Variants in STK33 observed in about 807,000 individuals in gnomAD.
STK33 encodes the protein serine/threonine kinase 33, also known as serine/threonine-protein kinase 33.
STK33 carries 52 observed loss-of-function variants against 58.0 expected under a neutral mutation model. The observed-to-expected ratio is 0.90, with a 90% CI of 0.72 to 1.13. The LOEUF (loss-of-function observed/expected upper bound fraction) is 1.13, where lower values mean the gene tolerates loss of function less well. Ranked by LOEUF, STK33 falls within the 50% of genes most tolerant of loss-of-function variation. The pLI, the probability that STK33 is intolerant of heterozygous loss-of-function variation, is 0.00. For missense variants in STK33, 630 were observed against 604.2 expected (o/e 1.04, Z -0.45); for synonymous variants, 215 against 200.1 (o/e 1.07, Z -0.63).
Position 8,531,888 on chromosome 11 carries a change from T to C in STK33, c.-465-51274A>G, listed in dbSNP as rs142617015. Reference sequence around the variant, plus strand: ...ATGAAGCCTAGAGGAAATAATTTTCTAGCAAAATGTAAATTCCCAATTATG... The same window carrying C: ...ATGAAGCCTAGAGGAAATAATTTTCCAGCAAAATGTAAATTCCCAATTATG... On this transcript the variant is annotated intron_variant, in intron 1 of 15. Transcript: ENST00000687296. 3.9e-3 allele frequency among the ~76,000 whole-genome samples: 598 copies of C among 152,330 alleles called. 2 individuals carry two copies. Among genetic ancestry groups the C allele is most frequent in the African/African-American group, 0.013 (554 of 41,568 alleles).
At chr11:8,365,125 G>C in the STK33 span, among the ~76,000 whole-genome samples, 1 of 152,164 alleles carries the variant, frequency 6.6e-6, no homozygotes, top group African/African-American at 2.4e-5. Context: ...TAGACCCAGG[G>C]GGACGTGTCT....
At chr11:8,522,108 C>T (rs1313746453) in intron 1 of STK33, among the ~76,000 whole-genome samples, 2 of 152,202 alleles carry the variant, frequency 1.3e-5, no homozygotes, top group African/African-American at 2.4e-5. Context: ...CCATTTGACC[C>T]AGCCATCTCA....
chr11:8,553,174 A>ATATATATATATATATATATATGGTG (rs1565346811), intron 1 of STK33, among the ~76,000 whole-genome samples: 703 of 67,610 alleles, frequency 0.01, 7 homozygotes, highest in African/African-American at 0.022. Context: ...TAAAATATAT[A>ATATATATATATATATATATATGGTG]TATATATATA....
intron 1 of STK33, among the ~76,000 whole-genome samples, chr11:8,549,918 C>A (rs996422052): frequency 6.6e-6 from 1 of 152,058 alleles, no homozygotes; most frequent in East Asian, 1.9e-4. Flanking sequence ...AAAAAACCAA[C>A]TTTTAAATTC....
chr11:8,562,692 T>C (rs1957195806), intron 1 of STK33, among the ~76,000 whole-genome samples: 1 of 152,194 alleles, frequency 6.6e-6, no homozygotes, highest in Admixed American at 6.5e-5. Flanking sequence ...AGTATGGCTT[T>C]ACTTTTCTGA....
intron 15 of STK33, among the ~76,000 whole-genome samples, chr11:8,400,004 G>C (rs552056418): frequency 6.6e-6 from 1 of 152,072 alleles, no homozygotes; most frequent in Non-Finnish European, 1.5e-5. Context: ...AAAAGTCCAG[G>C]ACCAGATGGA....
chr11:8,577,620 TACTC>T (rs1018980658), intron 1 of STK33, among the ~76,000 whole-genome samples: 18 of 152,118 alleles, frequency 1.2e-4, no homozygotes, highest in Non-Finnish European at 2.1e-4. Context: ...AGTAATTACT[TACTC>T]AGTAACAGGA....
chr11:8,447,850 CCT>C (rs1287616714), intron 11 of STK33, among the ~76,000 whole-genome samples: 4 of 152,058 alleles, frequency 2.6e-5, no homozygotes, highest in Non-Finnish European at 5.9e-5. Flanking sequence ...TCAAATTGTC[CCT>C]GTTTGCAGAT....
intron 7 of STK33, 90 bp downstream of exon 7, chr11:8,464,619 G>A (rs933423596): frequency 4.4e-5 from 37 of 839,596 alleles, no homozygotes; most frequent in Non-Finnish European, 7.0e-5. Flanking sequence ...AGGGTGAGAG[G>A]CAGCTTGTGT....
intron 15 of STK33, among the ~76,000 whole-genome samples, chr11:8,401,735 A>C (rs1938016365): frequency 6.6e-6 from 1 of 152,238 alleles, no homozygotes; most frequent in African/African-American, 2.4e-5. Context: ...ACAAAGGGCT[A>C]ATATCCAGAA....
rs2137287994 is a variant in STK33 at position 8,461,810 on chromosome 11, G to A, written c.553C>T (p.Pro185Ser). 6.3e-7 allele frequency: 1 copy of A among 1,580,068 alleles called. No individual in the cohort carries two copies. The part of the protein sequence containing the change: ...IIHLEQVFET[P>S]KKMYLVMELC... Reference sequence around the variant, plus strand: ...AGCGCCTAATAGAGGTTTACCTTTGGCGTTTCAAATACTTGTTCCAGATGT... The same window carrying A: ...AGCGCCTAATAGAGGTTTACCTTTGACGTTTCAAATACTTGTTCCAGATGT... The change falls in exon 8 of 16, where the codon CCA (proline) becomes TCA (serine). Residue 185 changes from proline (P) to serine (S), a missense_variant. Transcript: ENST00000687296.
At chr11:8,540,251 T>C (rs1591698646) in intron 1 of STK33, among the ~76,000 whole-genome samples, 2 of 151,004 alleles carry the variant, frequency 1.3e-5, no homozygotes, top group African/African-American at 4.9e-5. Flanking sequence ...GAAGCCAAGG[T>C]GGGAGGATCG....
chr11:8,384,735 C>T, the STK33 span, among the ~76,000 whole-genome samples: 2 of 152,242 alleles, frequency 1.3e-5, no homozygotes, highest in Non-Finnish European at 2.9e-5. Context: ...AAACACGTGA[C>T]TTGCTTGACC....
chr11:8,577,124 T>C (rs1958244046), intron 1 of STK33, among the ~76,000 whole-genome samples: 2 of 152,284 alleles, frequency 1.3e-5, no homozygotes, highest in South Asian at 2.1e-4. Flanking sequence ...TAGCAGAGGG[T>C]ACTATGGTAT....
intron 8 of STK33, 123 bp from the exon 9 acceptor site, chr11:8,457,602 T>A: frequency 1.1e-6 from 1 of 874,652 alleles, no homozygotes; most frequent in Non-Finnish European, 1.7e-6. Context: ...AAGTATTATC[T>A]ATTATGTACA....
chr11:8,401,457 T>C (rs1247341394), intron 15 of STK33, among the ~76,000 whole-genome samples: 1 of 152,078 alleles, frequency 6.6e-6, no homozygotes, highest in Non-Finnish European at 1.5e-5. Flanking sequence ...ACACCTCATA[T>C]AAAAATTAAT....
At chr11:8,482,167 T>C (rs1332482748) in intron 1 of STK33, among the ~76,000 whole-genome samples, 1 of 152,164 alleles carries the variant, frequency 6.6e-6, no homozygotes, top group Admixed American at 6.5e-5. Context: ...CCCAGACTCG[T>C]AGCCAGAACA....
At chr11:8,532,826 T>C (rs1239534617) in intron 1 of STK33, among the ~76,000 whole-genome samples, 1 of 152,212 alleles carries the variant, frequency 6.6e-6, no homozygotes, top group Non-Finnish European at 1.5e-5. Context: ...CAAAATCTGT[T>C]GGATAACTGC....
intron 12 of STK33, among the ~76,000 whole-genome samples, chr11:8,439,797 A>C (rs1395602562): frequency 6.7e-6 from 1 of 149,968 alleles, no homozygotes; most frequent in Non-Finnish European, 1.5e-5. Context: ...TGCCATGCCA[A>C]GATGCTCTGA....
Sources: allele counts gnomAD v4.1 joint callset (sites outside exome capture counted in the v4.1 genomes callset), GRCh38; gene constraint gnomAD v4.1.1; transcripts MANE v1.5; gene names NCBI Gene and HGNC (gene_info 2026-07-23, HGNC 2026-07-21).